DCLK1: variants seen among roughly 807,000 people sequenced by gnomAD.
DCLK1 encodes doublecortin like kinase 1.
DCLK1 carries 16 observed loss-of-function variants against 86.2 expected under a neutral mutation model. The ratio of observed to expected loss-of-function variants is 0.19; its 90% CI spans 0.13 to 0.28. DCLK1 has a LOEUF of 0.28. Ranked by LOEUF, DCLK1 falls within the 10% of genes least tolerant of loss-of-function variation. DCLK1 has a pLI of 1.00. For missense variants in DCLK1, 590 were observed against 940.2 expected (o/e 0.63, Z 4.87); for synonymous variants, 369 against 370.5 (o/e 1.00, Z 0.05).
intron 3 of DCLK1, among the ~76,000 whole-genome samples, chr13:36,007,526 G>A (rs571616233): frequency 6.6e-6 from 1 of 152,256 alleles, no homozygotes; most frequent in East Asian, 1.9e-4. Context: ...GATGAATATT[G>A]CATGCTGGAA....
At chr13:36,131,830 T>C (rs1886369877), upstream of DCLK1, among the ~76,000 whole-genome samples, 1 of 152,240 alleles carries the variant, frequency 6.6e-6, no homozygotes, top group Non-Finnish European at 1.5e-5. Context: ...GTGGATCACC[T>C]TCTCATCCTT....
At position 36,052,944 on chromosome 13, in the gene DCLK1, G is replaced by T. The variant is rs76394954; in HGVS notation, c.723+58925C>A. Among the ~76,000 whole-genome samples, 57 of 152,260 alleles carry T rather than the reference G, an allele frequency of 3.7e-4. No individual in the cohort carries two copies. In the East Asian group the frequency reaches 9.7e-3, roughly 26 times the overall value. ...CTCTCAGCCTGAGTCCTATGACTGA[G>T]CTTCTTTGAGGATGGGGTGCTTACA... is the stretch of plus-strand genomic sequence containing the variant. On this transcript the variant is annotated intron_variant, in intron 3 of 16. Transcript: ENST00000360631.
chr13:36,105,181 G>T (rs556373372), intron 3 of DCLK1, among the ~76,000 whole-genome samples: 2 of 152,226 alleles, frequency 1.3e-5, no homozygotes, highest in Middle Eastern at 3.4e-3. Context: ...GTCTCATTTC[G>T]AATTCCATGC....
intron 3 of DCLK1, among the ~76,000 whole-genome samples, chr13:36,084,841 G>A (rs1271071948): frequency 6.6e-6 from 1 of 152,136 alleles, no homozygotes; most frequent in African/African-American, 2.4e-5. Flanking sequence ...TCCTAGGATA[G>A]ACTTATATAA....
At chr13:35,903,830 T>C (rs1390467512) in intron 4 of DCLK1, among the ~76,000 whole-genome samples, 2 of 152,206 alleles carry the variant, frequency 1.3e-5, no homozygotes, top group Non-Finnish European at 1.5e-5. Context: ...GTGATCCATA[T>C]GCCAAAAGCA....
At chr13:35,891,702 G>A (rs1873654705) in intron 4 of DCLK1, among the ~76,000 whole-genome samples, 1 of 152,136 alleles carries the variant, frequency 6.6e-6, no homozygotes, top group Non-Finnish European at 1.5e-5. Context: ...GTAAAGTGCT[G>A]TGCTTTGTCA....
chr13:35,794,962 G>C (rs1228570549), intron 15 of DCLK1, among the ~76,000 whole-genome samples: 1 of 152,146 alleles, frequency 6.6e-6, no homozygotes, highest in Non-Finnish European at 1.5e-5. Flanking sequence ...TGTGATCTCT[G>C]TCCACCAGAA....
At chr13:35,902,913 T>C (rs1161185124) in intron 4 of DCLK1, among the ~76,000 whole-genome samples, 2 of 152,146 alleles carry the variant, frequency 1.3e-5, no homozygotes, top group East Asian at 1.9e-4. Flanking sequence ...AGGAATCTTT[T>C]TGCAAAGCAA....
chr13:35,851,618 G>C (rs1566567586), intron 6 of DCLK1, among the ~76,000 whole-genome samples: 2 of 152,130 alleles, frequency 1.3e-5, no homozygotes, highest in East Asian at 3.9e-4. Flanking sequence ...ACCAAAAAAA[G>C]TTCATGAGTG....
chr13:36,038,198 T>G (rs923001653), intron 3 of DCLK1, among the ~76,000 whole-genome samples: 1 of 152,198 alleles, frequency 6.6e-6, no homozygotes. Context: ...CTTGTTACCT[T>G]GCTTGCTAAG....
chr13:36,089,728 C>A (rs190574530), intron 3 of DCLK1, among the ~76,000 whole-genome samples: 3 of 152,262 alleles, frequency 2.0e-5, no homozygotes, highest in African/African-American at 7.2e-5. Flanking sequence ...TAACATCTAG[C>A]TCTAATTTGA....
intron 4 of DCLK1, among the ~76,000 whole-genome samples, chr13:35,929,684 A>G (rs1445642179): frequency 6.6e-6 from 1 of 152,178 alleles, no homozygotes; most frequent in Non-Finnish European, 1.5e-5. Flanking sequence ...ACTTCCTGAC[A>G]GCACTGCCAC....
At position 35,770,960 on chromosome 13, in the gene DCLK1, AG is replaced by A. The variant is rs2086321312; in HGVS notation, c.*3574del. 1 of 152,236 alleles carries A rather than the reference AG, an allele frequency of 6.6e-6. No homozygotes were observed. The highest frequency in any genetic ancestry group is 2.4e-5 in the African/African-American group (1 of 41,450). 9.4% of individuals were successfully genotyped at this position (152,236 alleles called of 1,614,324 possible). ...GGTCAAATTAAAAACCTTTGAGAAT[AG>A]GAGTTTATCATAGAAATGCTGACAG... On this transcript the variant is annotated 3_prime_UTR_variant, in exon 17 of 17. Transcript: ENST00000360631.
chr13:35,916,358 T>C (rs551821266), intron 4 of DCLK1, among the ~76,000 whole-genome samples: 2 of 152,266 alleles, frequency 1.3e-5, no homozygotes, highest in African/African-American at 4.8e-5. Context: ...ATTAGCACCA[T>C]CTGGGACTTC....
intron 6 of DCLK1, chr13:35,847,381 C>G (rs1442130676): frequency 1.0e-6 from 1 of 984,968 alleles, no homozygotes; most frequent in African/African-American, 1.7e-5. Flanking sequence ...ATCACAAATA[C>G]TATACTTTAC....
At chr13:35,788,406 G>T in intron 16 of DCLK1, 2 of 855,284 alleles carry the variant, frequency 2.3e-6, no homozygotes, top group Non-Finnish European at 3.8e-6. Flanking sequence ...CTCTTCTGCA[G>T]GGTAACTAGC....
At chr13:35,818,789 A>AT (rs398056282) in intron 11 of DCLK1, among the ~76,000 whole-genome samples, 1,874 of 147,582 alleles carry the variant, frequency 0.013, 57 homozygotes, top group East Asian at 0.12. Flanking sequence ...GAAGGTATTA[A>AT]TTTTTTTTTT....
chr13:35,878,816 T>G (rs1280480458), intron 4 of DCLK1, among the ~76,000 whole-genome samples: 1 of 152,146 alleles, frequency 6.6e-6, no homozygotes, highest in African/African-American at 2.4e-5. Context: ...GAGATAGTCT[T>G]GTTCTGTCGC....
chr13:36,016,902 C>T (rs777265732), intron 3 of DCLK1, among the ~76,000 whole-genome samples: 14 of 152,108 alleles, frequency 9.2e-5, no homozygotes, highest in Non-Finnish European at 1.9e-4. Context: ...ACATTTACAA[C>T]ACACCTCAAG....
Sources: gnomAD v4.1 joint callset for allele counts (sites outside exome capture counted in the v4.1 genomes callset) on GRCh38, gnomAD v4.1.1 for gene constraint, MANE v1.5 for transcripts, NCBI Gene and HGNC (gene_info 2026-07-23, HGNC 2026-07-21) for gene names.